RABGGTA: variants seen among roughly 807,000 people sequenced by gnomAD.
RABGGTA encodes the protein geranylgeranyl transferase type-2 subunit alpha.
In RABGGTA, 69 loss-of-function variants were observed where a neutral mutation model predicts 83.3. That is an observed-to-expected ratio of 0.83 (90% CI 0.68 to 1.01). The LOEUF (loss-of-function observed/expected upper bound fraction) is 1.01. RABGGTA is among the 50% of genes least tolerant of loss of function. The pLI, the probability that RABGGTA is intolerant of heterozygous loss-of-function variation, is 0.00. For synonymous variants in RABGGTA, 310 were observed against 299.8 expected, an observed-to-expected ratio of 1.03 and a Z score of -0.35; for missense variants, 681 against 712.7, an observed-to-expected ratio of 0.96 and a Z score of 0.51.
At chr14:24,270,695 A>G (rs910870070) in intron 3 of RABGGTA, 142 bp downstream of exon 3, 16 of 1,288,402 alleles carry the variant, frequency 1.2e-5, no homozygotes, top group Non-Finnish European at 1.6e-5. Flanking sequence ...AAAGAGATTC[A>G]GCAACTTGCC....
intron 12 of RABGGTA, 40 bp from the exon 13 acceptor site, chr14:24,267,998 C>T (rs1052625974): frequency 6.2e-7 from 1 of 1,604,672 alleles, no homozygotes; most frequent in Non-Finnish European, 8.5e-7. Flanking sequence ...TCTCTTGGAA[C>T]CTCCTCTGCT....
chr14:24,270,192 G>C, intron 4 of RABGGTA, 52 bp from the exon 5 acceptor site: 1 of 1,564,072 alleles, frequency 6.4e-7, no homozygotes, highest in Non-Finnish European at 8.7e-7. Flanking sequence ...GTCAACCTCA[G>C]CTCACCCCTC....
At chr14:24,270,567 A>G (rs1226673506) in intron 3 of RABGGTA, 109 bp from the exon 4 acceptor site, 7 of 1,401,118 alleles carry the variant, frequency 5.0e-6, no homozygotes, top group Non-Finnish European at 6.9e-6. Context: ...ATTATACAAC[A>G]GGTACTATGA....
At position 24,266,449 on chromosome 14, in the gene RABGGTA, C is replaced by T; in HGVS notation, c.1536G>A (p.Glu512=). The stretch of plus-strand genomic sequence containing the variant: ...GGATACGGTTGTTGCACAGTAGCAG[C>T]TCCTGCAGCCGGGGTAGGTTGGTGA... ...DGVTNLPRLQ[E]LLLCNNRLQQ... is the part of the protein sequence containing the mutation. Residue 512 remains glutamate, a synonymous_variant, in exon 16 of 17, where the codon GAG becomes GAA. Coordinates refer to ENST00000216840, the MANE Select transcript of RABGGTA (RefSeq NM_182836.3). 1.2e-6 allele frequency: 2 copies of T among 1,614,024 alleles called. No individual in the cohort carries two copies. The highest frequency in any genetic ancestry group is 1.7e-6 in the Non-Finnish European group (2 of 1,179,890).
chr14:24,269,559 A>G lies in RABGGTA; in HGVS notation c.563T>C (p.Leu188Ser), dbSNP rs946640926. 1.2e-6 allele frequency: 2 copies of G among 1,611,102 alleles called. No individual in the cohort carries two copies. Among genetic ancestry groups the G allele is most frequent in the Admixed American group, 1.7e-5 (1 of 59,990 alleles). ...ATCCGGCTGGGGGTGCAGCTGGGGC[A>G]AGAGACAGGAGCGGTAATGCCAGGA... ...YSSWHYRSCL[L>S]PQLHPQPDSG... The change falls in exon 6 of 17, where the codon TTG becomes TCG. Residue 188 changes from leucine to serine, a missense_variant. This residue lies in a region of RABGGTA where 122 missense variants were observed against 118.9 expected (regional missense o/e 1.03). Transcript: ENST00000216840.
intron 1 of RABGGTA, 148 bp downstream of exon 1, chr14:24,271,339 G>A (rs981585406): frequency 1.5e-4 from 71 of 470,980 alleles, no homozygotes; most frequent in African/African-American, 1.1e-3. Flanking sequence ...ACTTCCATCC[G>A]TGTGGCCCTT....
chr14:24,267,654 C>T lies in RABGGTA; in HGVS notation c.1353+6G>A. On this transcript the variant is annotated splice_donor_region_variant and intron_variant, in intron 14 of 16. Transcript: ENST00000216840. ...GCCAGGGGAAGGCATGCATGGCAGC[C>T]CATACCTTGTGAGCCAGGTGCAGCA... 6.2e-7 allele frequency: 1 copy of T among 1,607,140 alleles called. No individual in the cohort carries two copies. The highest frequency in any genetic ancestry group is 8.5e-7 in the Non-Finnish European group (1 of 1,177,248).
At chr14:24,267,211 G>A (rs1005054995) in intron 14 of RABGGTA, among the ~76,000 whole-genome samples, 1 of 152,178 alleles carries the variant, frequency 6.6e-6, no homozygotes. Flanking sequence ...ATGAGGCAGA[G>A]ATGAGTTTGG....
At chr14:24,268,876 C>T in intron 8 of RABGGTA, 35 bp downstream of exon 8, 3 of 1,571,902 alleles carry the variant, frequency 1.9e-6, no homozygotes, top group Non-Finnish European at 2.6e-6. Flanking sequence ...GGCCCACAGT[C>T]CCACAGTGCT....
Position 24,265,642 on chromosome 14 carries a change from C to T in RABGGTA, c.1677G>A (p.Leu559=), listed in dbSNP as rs1356333399. The T allele has an allele frequency of 8.7e-6, 14 of 1,613,654 alleles. No individual in the cohort carries two copies. Among genetic ancestry groups the T allele is most frequent in the African/African-American group, 1.3e-5 (1 of 74,922 alleles). The change falls in exon 17 of 17, where the codon CTG becomes CTA. Residue 559 remains leucine (L), a synonymous_variant. Coordinates refer to ENST00000216840, the MANE Select transcript of RABGGTA (RefSeq NM_182836.3). The stretch of plus-strand genomic sequence containing the variant: ...AGGTGAGGACGCTGCTAACTGAAGG[C>T]AGCAGTTCAGCCAGTTGCTCCAAGA... ...VGILEQLAEL[L]PSVSSVLT
At position 24,269,502 on chromosome 14, in the gene RABGGTA, A is replaced by C; in HGVS notation, c.620T>G (p.Val207Gly). 1 of 1,587,202 alleles carries C rather than the reference A, an allele frequency of 6.3e-7. No homozygotes were observed. The highest frequency in any genetic ancestry group is 8.7e-7 in the Non-Finnish European group (1 of 1,155,656). Reference sequence around the variant, plus strand: ...CTGACCCTGGTTACCTTTGAGCAGCACATCCTCAGGGAGGCGCCCCTGTGG... The same window carrying C: ...CTGACCCTGGTTACCTTTGAGCAGCCCATCCTCAGGGAGGCGCCCCTGTGG... ...SGPQGRLPEDVLLKELELVQN... is the reference protein window; with the variant it reads ...SGPQGRLPEDGLLKELELVQN... The change falls in exon 6 of 17, where the codon GTG (valine) becomes GGG (glycine). Residue 207 changes from valine (V) to glycine (G), a missense_variant. Physicochemically the swap from Val to Gly is moderately radical, Grantham distance 109. Around this residue, in one of 5 missense-constraint regions of RABGGTA, gnomAD observed 122 missense variants for 118.9 expected, o/e 1.03. Coordinates refer to ENST00000216840, the MANE Select transcript of RABGGTA (RefSeq NM_182836.3).
chr14:24,271,096 GGGCTCAGGGTTCTCACCATGGTGCC>G lies in RABGGTA; in HGVS notation c.-6_3+16del, dbSNP rs1179522929. On this transcript the variant is annotated splice_donor_variant and splice_donor_5th_base_variant and coding_sequence_variant and 5_prime_UTR_variant and intron_variant, in exon 2 of 17. Coordinates refer to ENST00000216840, the MANE Select transcript of RABGGTA (RefSeq NM_182836.3). LOFTEE classifies it high-confidence loss of function. ...CGCGGGCCTGCGGAGGTGAAGGGCT[GGGCTCAGGGTTCTCACCATGGTGCC>G]GGCTCAGGGTTCAAGACAGGGGAAG... The G allele has an allele frequency of 4.5e-6, 7 of 1,561,538 alleles. No individual in the cohort carries two copies. Among genetic ancestry groups the G allele is most frequent in the East Asian group, 2.2e-5 (1 of 44,458 alleles).
intron 12 of RABGGTA, 41 bp from the exon 13 acceptor site, chr14:24,267,999 C>T: frequency 6.2e-7 from 1 of 1,603,916 alleles, no homozygotes; most frequent in South Asian, 1.1e-5. Flanking sequence ...CTCTTGGAAC[C>T]TCCTCTGCTC....
At chr14:24,266,633 C>T in intron 15 of RABGGTA, 116 bp from the exon 16 acceptor site, 1 of 1,250,584 alleles carries the variant, frequency 8.0e-7, no homozygotes, top group Non-Finnish European at 1.2e-6. Flanking sequence ...CAGGGTCAGG[C>T]TGCGTGATGG....
intron 9 of RABGGTA, 40 bp downstream of exon 9, chr14:24,268,685 G>T: frequency 6.2e-7 from 1 of 1,602,526 alleles, no homozygotes; most frequent in Non-Finnish European, 8.5e-7. Flanking sequence ...ACCCAGCCCT[G>T]CCCCAGACCC....
chr14:24,266,325 C>A (rs1197365743), intron 16 of RABGGTA, 105 bp downstream of exon 16: 3 of 1,060,408 alleles, frequency 2.8e-6, no homozygotes, highest in Non-Finnish European at 4.4e-6. Context: ...CCCCCTCTCT[C>A]CTGCCCTGCA....
intron 5 of RABGGTA, 71 bp from the exon 6 acceptor site, chr14:24,269,765 TC>T: frequency 6.5e-7 from 1 of 1,528,976 alleles, no homozygotes; most frequent in South Asian, 1.2e-5. Context: ...ACCCCTAGAG[TC>T]CCCTCAGGAA....
At chr14:24,271,055 C>A (rs2040942929) in intron 2 of RABGGTA, 58 bp downstream of exon 2, 13 of 1,579,476 alleles carry the variant, frequency 8.2e-6, no homozygotes, top group African/African-American at 4.0e-5. Context: ...CATGGCACTG[C>A]CACTGGGGGT....
Position 24,270,910 on chromosome 14 carries a change from GC to G in RABGGTA, c.40del (p.Ala14ArgfsTer6). ...CTCTCGCTCTAGCCTTTTGGCCTCCGCCTGCTCTTCTGACGTCTTCACCTTC... is the reference window on the plus strand; with the variant it reads ...CTCTCGCTCTAGCCTTTTGGCCTCCGCTGCTCTTCTGACGTCTTCACCTTC... ...RLKVKTSEEQAEAKRLEREQK... is the reference protein window; with the variant it reads ...RLKVKTSEEQXEAKRLEREQK... On this transcript the variant is annotated frameshift_variant, in exon 3 of 17. Transcript: ENST00000216840. LOFTEE classifies it high-confidence loss of function. 1 of 1,614,014 alleles carries G rather than the reference GC, an allele frequency of 6.2e-7. No individual in the cohort carries two copies. Among genetic ancestry groups the G allele is most frequent in the East Asian group, 2.2e-5 (1 of 44,886 alleles).
Sources: allele counts gnomAD v4.1 joint callset (sites outside exome capture counted in the v4.1 genomes callset), GRCh38; gene constraint gnomAD v4.1.1; regional missense constraint gnomAD v4.1.1; transcripts MANE v1.5; gene names NCBI Gene and HGNC (gene_info 2026-07-23, HGNC 2026-07-21).